WDR81: variants seen among roughly 807,000 people sequenced by gnomAD.
The protein encoded by WDR81 is WD repeat domain 81, also known as WD repeat-containing protein 81.
WDR81 carries 92 observed loss-of-function variants against 140.8 expected under a neutral mutation model. The observed-to-expected ratio is 0.65, with a 90% CI of 0.55 to 0.78. The LOEUF (loss-of-function observed/expected upper bound fraction) is 0.78, where lower values mean the gene tolerates loss of function less well. Ranked by LOEUF, WDR81 falls within the 30% of genes least tolerant of loss-of-function variation. WDR81 has a pLI of 0.00. For missense variants in WDR81, 2,502 were observed against 2,636.4 expected (o/e 0.95, Z 1.12); for synonymous variants, 1,183 against 1,156.4 (o/e 1.02, Z -0.47).
At position 1,728,524 on chromosome 17, in the gene WDR81, T is replaced by A. The variant is rs780793790; in HGVS notation, c.3565T>A (p.Ser1189Thr). The A allele has an allele frequency of 6.4e-7, 1 of 1,568,704 alleles. No individual in the cohort carries two copies. Among genetic ancestry groups the A allele is most frequent in the Non-Finnish European group, 8.7e-7 (1 of 1,154,230 alleles). Residue 1189 changes from serine to threonine, a missense_variant, in exon 1 of 10, where the codon TCC becomes ACC. Transcript: ENST00000409644. ...SELTLSDTVLSMETVVAGGSG... is the reference protein window; with the variant it reads ...SELTLSDTVLTMETVVAGGSG... ...GCTCACTCTGTCTGACACGGTGCTG[T>A]CCATGGAGACGGTTGTGGCCGGCGG...
chr17:1,731,285 G>A (rs769569842), intron 4 of WDR81, 27 bp downstream of exon 4: 1 of 1,607,676 alleles, frequency 6.2e-7, no homozygotes, highest in Non-Finnish European at 8.5e-7. Flanking sequence ...GCTGATGTAG[G>A]GGGACCGGCC....
At position 1,727,903 on chromosome 17, in the gene WDR81, C is replaced by A. The variant is rs1460011839; in HGVS notation, c.2944C>A (p.Leu982Met). 6.4e-7 allele frequency: 1 copy of A among 1,550,772 alleles called. No homozygotes were observed. Among genetic ancestry groups the A allele is most frequent in the South Asian group, 1.2e-5 (1 of 84,068 alleles). The change falls in exon 1 of 10, where the codon CTG becomes ATG. Residue 982 changes from leucine (L) to methionine (M), a missense_variant. By Grantham distance (15) the Leu-to-Met change is conservative (BLOSUM62 2). Coordinates refer to ENST00000409644, the MANE Select transcript of WDR81 (RefSeq NM_001163809.2). Reference sequence around the variant, plus strand: ...CTGCCAGCTACACGGCCGCTTCTACCTGTACACGGACTGCTTTGTGGCCCA... The same window carrying A: ...CTGCCAGCTACACGGCCGCTTCTACATGTACACGGACTGCTTTGTGGCCCA... Reference protein sequence around the residue: ...SPCQLHGRFYLYTDCFVAQLM... With the variant: ...SPCQLHGRFYMYTDCFVAQLM...
chr17:1,737,773 C>G lies in WDR81; in HGVS notation c.*88C>G, dbSNP rs1449964991. ...CTGTTCCCTGAGCAGCAGCTCCCTCCAGGGAGGCCCTGGGTCCCACGCCCT... is the reference window on the plus strand; with the variant it reads ...CTGTTCCCTGAGCAGCAGCTCCCTCGAGGGAGGCCCTGGGTCCCACGCCCT... On this transcript the variant is annotated 3_prime_UTR_variant, in exon 10 of 10. Transcript: ENST00000409644. The G allele has an allele frequency of 4.8e-6, 7 of 1,461,798 alleles. No individual in the cohort carries two copies. Among genetic ancestry groups the G allele is most frequent in the African/African-American group, 1.4e-5 (1 of 71,298 alleles). The allele number at this position is 1,461,798 out of a possible 1,614,324, so 90.6% of individuals were successfully genotyped here.
Position 1,737,589 on chromosome 17 carries a change from G to C in WDR81, c.5730G>C (p.Glu1910Asp). 1.2e-6 allele frequency: 2 copies of C among 1,612,802 alleles called. No individual in the cohort carries two copies. The highest frequency in any genetic ancestry group is 8.5e-7 in the Non-Finnish European group (1 of 1,179,984). The stretch of plus-strand genomic sequence containing the variant: ...AGGCCACCACGAAGCTCAGCTCTGA[G>C]AACTTCCGCGGCACGCTCACCAGCC... ...PSQATTKLSS[E>D]NFRGTLTSLA... The change falls in exon 10 of 10, where the codon GAG (glutamate) becomes GAC (aspartate). Residue 1910 changes from glutamate to aspartate, a missense_variant. By Grantham distance (45) the Glu-to-Asp change is conservative (BLOSUM62 2). This residue lies in a region of WDR81 where 1,737 missense variants were observed against 1,843.0 expected (regional missense o/e 0.94). Transcript: ENST00000409644.
At chr17:1,719,502 T>C (rs1029866416) in intron 1 of WDR81, among the ~76,000 whole-genome samples, 1 of 150,736 alleles carries the variant, frequency 6.6e-6, no homozygotes, top group Non-Finnish European at 1.5e-5. Flanking sequence ...TGAGCCAAGA[T>C]TGGGCCACTG....
At position 1,727,952 on chromosome 17, in the gene WDR81, A is replaced by C; in HGVS notation, c.2993A>C (p.Gln998Pro). 1 of 1,550,242 alleles carries C rather than the reference A, an allele frequency of 6.5e-7. No individual in the cohort carries two copies. The highest frequency in any genetic ancestry group is 8.7e-7 in the Non-Finnish European group (1 of 1,146,992). Residue 998 changes from glutamine (Q) to proline (P), a missense_variant, in exon 1 of 10, where the codon CAG becomes CCG. Physicochemically the swap from Gln to Pro is moderately conservative, Grantham distance 76 (BLOSUM62 -1). Coordinates refer to ENST00000409644, the MANE Select transcript of WDR81 (RefSeq NM_001163809.2). The stretch of plus-strand genomic sequence containing the variant: ...CAGCTGATGGTGCGGCTGGGCCTGC[A>C]GGCATTTCTCACTCACCTGCTGCCC... ...VAQLMVRLGL[Q>P]AFLTHLLPHV...
Position 1,737,350 on chromosome 17 carries a change from C to T in WDR81, c.5506-15C>T. 1.3e-6 allele frequency: 2 copies of T among 1,589,028 alleles called. No individual in the cohort carries two copies. Among genetic ancestry groups the T allele is most frequent in the African/African-American group, 2.7e-5 (2 of 74,692 alleles). ...GGACCCAGGCTCCTGCTGAGGCTCT[C>T]CTCTCCCGGGACAGGCGGTGGAGGG... On this transcript the variant is annotated splice_polypyrimidine_tract_variant and intron_variant, in intron 9 of 9. Transcript: ENST00000409644.
At position 1,736,224 on chromosome 17, in the gene WDR81, G is replaced by C; in HGVS notation, c.5505+6G>C. 6.3e-7 allele frequency: 1 copy of C among 1,592,894 alleles called. No individual in the cohort carries two copies. The highest frequency in any genetic ancestry group is 8.5e-7 in the Non-Finnish European group (1 of 1,176,462). ...GGGACATTCTGCAGATCAAGGTGACGGGCCGGGTCTCCCTCCCCTTGCTGC... is the reference window on the plus strand; with the variant it reads ...GGGACATTCTGCAGATCAAGGTGACCGGCCGGGTCTCCCTCCCCTTGCTGC... On this transcript the variant is annotated splice_donor_region_variant and intron_variant, in intron 9 of 9. Coordinates refer to ENST00000409644, the MANE Select transcript of WDR81 (RefSeq NM_001163809.2).
At position 1,738,016 on chromosome 17, in the gene WDR81, G is replaced by A. The variant is rs974597339; in HGVS notation, c.*331G>A. Reference sequence around the variant, plus strand: ...GGTCCACATGAGGACAGGGAAGCTCGGGAAGGGGAAGGGAGACTGGCCCTG... The same window carrying A: ...GGTCCACATGAGGACAGGGAAGCTCAGGAAGGGGAAGGGAGACTGGCCCTG... On this transcript the variant is annotated 3_prime_UTR_variant, in exon 10 of 10. Transcript: ENST00000409644. 1.0e-4 allele frequency: 41 copies of A among 400,786 alleles called. No individual in the cohort carries two copies. The highest frequency in any genetic ancestry group is 3.4e-4 in the South Asian group (11 of 32,588). The allele number at this position is 400,786 out of a possible 1,614,324, so 24.8% of individuals were successfully genotyped here. A position where few individuals can be genotyped will look rare whatever the true frequency, so the allele number is the denominator to read the frequency against.
In WDR81 at chr17:1,725,168, G is replaced by GGCTGCCCCTGGGA. The variant is rs1567717469; in HGVS notation, c.210_222dup (p.Pro75AlafsTer56). ...TGGCTGGCCAGCCTCCGCGATCGCC[G>GGCTGCCCCTGGGA]GCTGCCCCTGGGACCCTGTCCCCGC... On this transcript the variant is annotated frameshift_variant, in exon 1 of 10. Transcript: ENST00000409644. LOFTEE classifies it high-confidence loss of function. 6.5e-7 allele frequency: 1 copy of GGCTGCCCCTGGGA among 1,534,240 alleles called. No individual in the cohort carries two copies. The highest frequency in any genetic ancestry group is 8.7e-7 in the Non-Finnish European group (1 of 1,144,776).
rs940721607 is a variant in WDR81 at position 1,738,530 on chromosome 17, C to T, written c.*845C>T. On this transcript the variant is annotated 3_prime_UTR_variant, in exon 10 of 10. Coordinates refer to ENST00000409644, the MANE Select transcript of WDR81 (RefSeq NM_001163809.2). ...AGGTCCAGGGGTTGGCCCCTGCTGC[C>T]TTCTCACAATTTGCAATAGATGTAA... 6.6e-6 allele frequency: 1 copy of T among 152,492 alleles called. No individual in the cohort carries two copies. Among genetic ancestry groups the T allele is most frequent in the Non-Finnish European group, 1.5e-5 (1 of 68,290 alleles). The allele number at this position is 152,492 out of a possible 1,614,324, so 9.4% of individuals were successfully genotyped here.
At position 1,736,139 on chromosome 17, in the gene WDR81, T is replaced by C; in HGVS notation, c.5426T>C (p.Phe1809Ser). The change falls in exon 9 of 10, where the codon TTC (phenylalanine) becomes TCC (serine). Residue 1809 changes from phenylalanine (F) to serine (S), a missense_variant. Coordinates refer to ENST00000409644, the MANE Select transcript of WDR81 (RefSeq NM_001163809.2). ...RSVVAGFSSG[F>S]MVLLDTRTGL... The stretch of plus-strand genomic sequence containing the variant: ...GTCGTGGCCGGCTTCTCCTCAGGCT[T>C]CATGGTGCTCCTGGACACCCGCACA... 6.2e-7 allele frequency: 1 copy of C among 1,602,114 alleles called. No individual in the cohort carries two copies. Among genetic ancestry groups the C allele is most frequent in the South Asian group, 1.1e-5 (1 of 91,070 alleles).
Position 1,733,537 on chromosome 17 carries a change from C to G in WDR81, c.4500C>G (p.Ile1500Met), listed in dbSNP as rs1904555080. ...VPFSCLLGDI[I>M]RKIIPNHELV... ...CCCACTCCTATCCAGGTGACATCAT[C>G]CGGAAAATCATCCCCAACCACGAGC... The change falls in exon 7 of 10, where the codon ATC becomes ATG. Residue 1500 changes from isoleucine to methionine, a missense_variant. Around this residue, in one of 3 missense-constraint regions of WDR81, gnomAD observed 1,737 missense variants for 1,843.0 expected, o/e 0.94. Transcript: ENST00000409644. 6.6e-7 allele frequency: 1 copy of G among 1,516,614 alleles called. No homozygotes were observed. 93.9% of individuals were successfully genotyped at this position (1,516,614 alleles called of 1,614,324 possible). A position where few individuals can be genotyped will look rare whatever the true frequency, so the allele number is the denominator to read the frequency against.
At chr17:1,730,520 G>A (rs749890658) in intron 2 of WDR81, 33 bp downstream of exon 2, 7 of 1,590,438 alleles carry the variant, frequency 4.4e-6, no homozygotes, top group African/African-American at 4.0e-5. Flanking sequence ...CTGGAGATGA[G>A]GCTTTCTCCC....
rs1397227219 is a variant in WDR81, at chr17:1,732,725, T to C, written c.4383T>C (p.Ser1461=). ...GCCAGCTGCCACAGGTGGTCTTCTCTGATGGGCAGCAGCGGCCCGTGGACC... is the reference window on the plus strand; with the variant it reads ...GCCAGCTGCCACAGGTGGTCTTCTCCGATGGGCAGCAGCGGCCCGTGGACC... ...GEGQLPQVVF[S]DGQQRPVDPA... The change falls in exon 6 of 10, where the codon TCT becomes TCC. Residue 1461 remains serine, a synonymous_variant. Coordinates refer to ENST00000409644, the MANE Select transcript of WDR81 (RefSeq NM_001163809.2). The C allele has an allele frequency of 3.1e-6, 5 of 1,612,768 alleles. No homozygotes were observed. In the African/African-American group the frequency reaches 5.3e-5, roughly 17 times the overall value.
intron 1 of WDR81, among the ~76,000 whole-genome samples, chr17:1,718,589 G>T (rs972265658): frequency 2.0e-5 from 3 of 152,214 alleles, no homozygotes; most frequent in Non-Finnish European, 4.4e-5. Flanking sequence ...GTCTTTGGCT[G>T]GGAAGTGCTG....
In WDR81 at chr17:1,725,588, G is replaced by A. The variant is rs1355242877; in HGVS notation, c.629G>A (p.Arg210Gln). The A allele has an allele frequency of 1.8e-5, 28 of 1,545,110 alleles. No individual in the cohort carries two copies. The highest frequency in any genetic ancestry group is 2.4e-5 in the Non-Finnish European group (27 of 1,146,944). Residue 210 changes from arginine to glutamine, a missense_variant, in exon 1 of 10, where the codon CGG becomes CAG. Around this residue, in one of 3 missense-constraint regions of WDR81, gnomAD observed 547 missense variants for 513.8 expected, o/e 1.06. Coordinates refer to ENST00000409644, the MANE Select transcript of WDR81 (RefSeq NM_001163809.2). ...GCCAGAGAAGGCCCCTGCCCCCCTCGGGGCAGCCCTGCTTGCCCTAGTCTT... is the reference window on the plus strand; with the variant it reads ...GCCAGAGAAGGCCCCTGCCCCCCTCAGGGCAGCCCTGCTTGCCCTAGTCTT... ...SYAREGPCPP[R>Q]GSPACPSLLR...
rs922125870 is a variant in WDR81 at position 1,725,300 on chromosome 17, G to C, written c.341G>C (p.Arg114Thr). The C allele has an allele frequency of 3.4e-5, 53 of 1,547,960 alleles. 1 individual carries two copies. Among genetic ancestry groups the C allele is most frequent in the Non-Finnish European group, 4.2e-5 (48 of 1,146,956 alleles). The change falls in exon 1 of 10, where the codon AGA (arginine) becomes ACA (threonine). Residue 114 changes from arginine (R) to threonine (T), a missense_variant. Coordinates refer to ENST00000409644, the MANE Select transcript of WDR81 (RefSeq NM_001163809.2). ...RVEVHGLRKR[R>T]LSYPLGGGLP... ...GAGGTGCATGGGCTGCGGAAGCGGA[G>C]ACTGTCCTACCCTCTGGGCGGGGGC...
chr17:1,724,800 C>G lies in WDR81; in HGVS notation c.-160C>G, dbSNP rs1597283999. 1.7e-6 allele frequency: 2 copies of G among 1,188,810 alleles called. No individual in the cohort carries two copies. The highest frequency in any genetic ancestry group is 1.6e-5 in the African/African-American group (1 of 62,766). The allele number at this position is 1,188,810 out of a possible 1,614,324, so 73.6% of individuals were successfully genotyped here. The stretch of plus-strand genomic sequence containing the variant: ...ACCCGCGGAGGGGTAAGCGCGCCCC[C>G]CGTCCGCCTCTTCGCCGCCGCCGGC... On this transcript the variant is annotated 5_prime_UTR_variant, in exon 1 of 10. Coordinates refer to ENST00000409644, the MANE Select transcript of WDR81 (RefSeq NM_001163809.2).
Sources: allele counts gnomAD v4.1 joint callset (sites outside exome capture counted in the v4.1 genomes callset), GRCh38; gene constraint gnomAD v4.1.1; regional missense constraint gnomAD v4.1.1; transcripts MANE v1.5; gene names NCBI Gene and HGNC (gene_info 2026-07-23, HGNC 2026-07-21).